RGS6: variants seen among roughly 807,000 people sequenced by gnomAD.
RGS6 encodes the protein regulator of G protein signaling 6.
Under a neutral mutation model 78.5 loss-of-function variants are expected in RGS6, and 30 were observed. The observed-to-expected ratio is 0.38, with a 90% confidence interval of 0.29 to 0.52. RGS6 has a LOEUF of 0.52. Among genes scored for constraint, RGS6 ranks in the 20% least tolerant of loss-of-function variants. The pLI, the probability that RGS6 is intolerant of heterozygous loss-of-function variation, is 0.85. For missense variants in RGS6, 495 were observed against 609.7 expected (o/e 0.81, Z 1.98); for synonymous variants, 206 against 206.0 (o/e 1.00, Z 0.00).
chr14:71,910,727 G>A, the RGS6 span, among the ~76,000 whole-genome samples: 12 of 152,254 alleles, frequency 7.9e-5, no homozygotes, highest in East Asian at 3.9e-4. Flanking sequence ...CTTCGTGGGT[G>A]GTGAGGAATG....
chr14:72,077,928 G>C (rs1319144426), intron 2 of RGS6, among the ~76,000 whole-genome samples: 2 of 152,162 alleles, frequency 1.3e-5, no homozygotes, highest in Admixed American at 6.5e-5. Flanking sequence ...AGTACATTCA[G>C]ATTCTCAAGA....
intron 2 of RGS6, among the ~76,000 whole-genome samples, chr14:72,268,476 A>G (rs2059414628): frequency 6.6e-6 from 1 of 152,186 alleles, no homozygotes. Context: ...AGGGAAATGG[A>G]ACAGCACCCC....
chr14:72,241,939 A>C (rs1001933272), intron 2 of RGS6, among the ~76,000 whole-genome samples: 5 of 152,226 alleles, frequency 3.3e-5, no homozygotes, highest in African/African-American at 1.2e-4. Context: ...TAACTTGCTA[A>C]CTTTATAATT....
At chr14:72,127,141 C>CT (rs1305558434) in intron 2 of RGS6, among the ~76,000 whole-genome samples, 1 of 152,108 alleles carries the variant, frequency 6.6e-6, no homozygotes, top group African/African-American at 2.4e-5. Flanking sequence ...ACTCTAGGGG[C>CT]TACCCAAGTG....
intron 2 of RGS6, among the ~76,000 whole-genome samples, chr14:72,176,916 G>A (rs1214880908): frequency 6.6e-6 from 1 of 152,046 alleles, no homozygotes; most frequent in African/African-American, 2.4e-5. Context: ...CTCTCCCCAA[G>A]ATAACCATTA....
At chr14:72,590,493 C>T in the RGS6 span, among the ~76,000 whole-genome samples, 1 of 151,888 alleles carries the variant, frequency 6.6e-6, no homozygotes, top group Non-Finnish European at 1.5e-5. Context: ...ATCTCAAAAA[C>T]GTTACACTGA....
At chr14:72,411,675 T>C (rs2093423461) in intron 3 of RGS6, among the ~76,000 whole-genome samples, 2 of 152,154 alleles carry the variant, frequency 1.3e-5, no homozygotes, top group South Asian at 2.1e-4. Flanking sequence ...CCAGTTTTTG[T>C]CCATTCAGTA....
intron 2 of RGS6, among the ~76,000 whole-genome samples, chr14:72,287,238 A>G (rs2062733651): frequency 6.6e-6 from 1 of 152,212 alleles, no homozygotes; most frequent in Non-Finnish European, 1.5e-5. Context: ...TTTACTGCAT[A>G]TAATATCATG....
At chr14:72,130,176 A>G (rs1567269312) in intron 2 of RGS6, among the ~76,000 whole-genome samples, 1 of 152,164 alleles carries the variant, frequency 6.6e-6, no homozygotes. Flanking sequence ...CAATTGAACA[A>G]CCAGCTGAGA....
chr14:72,209,581 C>T (rs182940865), intron 2 of RGS6, among the ~76,000 whole-genome samples: 165 of 152,302 alleles, frequency 1.1e-3, no homozygotes, highest in African/African-American at 3.9e-3. Context: ...TTCAAGGTCA[C>T]TGGTGGAAAC....
At chr14:72,458,762 C>A (rs1234323552) in intron 5 of RGS6, among the ~76,000 whole-genome samples, 1 of 152,190 alleles carries the variant, frequency 6.6e-6, no homozygotes, top group East Asian at 1.9e-4. Flanking sequence ...ATAGATGGCA[C>A]CTTCTAGCTA....
the RGS6 span, among the ~76,000 whole-genome samples, chr14:71,906,497 G>C: frequency 6.6e-6 from 1 of 152,142 alleles, no homozygotes; most frequent in Non-Finnish European, 1.5e-5. Context: ...CCCGTTGCTG[G>C]TCTCACTCTG....
At chr14:72,267,083 C>T (rs966342200) in intron 2 of RGS6, among the ~76,000 whole-genome samples, 1 of 152,158 alleles carries the variant, frequency 6.6e-6, no homozygotes, top group Non-Finnish European at 1.5e-5. Flanking sequence ...CTCACTGCAA[C>T]CTCTGCCTCA....
intron 2 of RGS6, among the ~76,000 whole-genome samples, chr14:72,031,772 G>C (rs1270918805): frequency 6.6e-6 from 1 of 152,188 alleles, no homozygotes; most frequent in East Asian, 1.9e-4. Flanking sequence ...GTGGGCAAGC[G>C]CAATCCTGTA....
intron 2 of RGS6, among the ~76,000 whole-genome samples, chr14:72,297,760 A>G (rs2065165301): frequency 6.6e-6 from 1 of 151,762 alleles, no homozygotes; most frequent in South Asian, 2.1e-4. Flanking sequence ...TTCTCGGTAT[A>G]TATTATTTAT....
intron 2 of RGS6, among the ~76,000 whole-genome samples, chr14:72,163,882 CAAAAAAA>C (rs35453428): frequency 8.0e-6 from 1 of 124,682 alleles, no homozygotes; most frequent in African/African-American, 3.0e-5. Flanking sequence ...GACTCCATCT[CAAAAAAA>C]AAAAAAAAAA....
intron 2 of RGS6, among the ~76,000 whole-genome samples, chr14:72,241,824 CT>C: frequency 1.3e-5 from 2 of 152,296 alleles, no homozygotes; most frequent in South Asian, 4.1e-4. Flanking sequence ...TGAAAAATTG[CT>C]TTCCAGGAAA....
intron 15 of RGS6, among the ~76,000 whole-genome samples, chr14:72,524,008 G>T (rs144846019): frequency 6.6e-6 from 1 of 152,060 alleles, no homozygotes; most frequent in South Asian, 2.1e-4. Flanking sequence ...CTTCTTTACA[G>T]CCCGCTAAGG....
upstream of RGS6, among the ~76,000 whole-genome samples, chr14:71,929,629 G>A (rs1287376236): frequency 2.2e-4 from 34 of 152,186 alleles, no homozygotes; most frequent in Admixed American, 2.2e-3. Context: ...TTGAGACTAT[G>A]TAAATATCCT....
Sources: gnomAD v4.1 joint callset for allele counts (sites outside exome capture counted in the v4.1 genomes callset) on GRCh38, gnomAD v4.1.1 for gene constraint, MANE v1.5 for transcripts, NCBI Gene and HGNC (gene_info 2026-07-23, HGNC 2026-07-21) for gene names.